The following CNTN5 variants were observed in gnomAD, a reference collection of about 807,000 sequenced individuals.
CNTN5 encodes contactin 5.
CNTN5 carries 77 observed loss-of-function variants against 129.1 expected under a neutral mutation model. That is an observed-to-expected ratio of 0.60 (90% CI 0.50 to 0.72). CNTN5 has a LOEUF of 0.72. CNTN5 is among the 30% of genes least tolerant of loss of function. The pLI, the probability that CNTN5 is intolerant of heterozygous loss-of-function variation, is 0.00. For missense variants in CNTN5, 1,478 were observed against 1,328.8 expected (o/e 1.11, Z -1.75); for synonymous variants, 509 against 465.6 (o/e 1.09, Z -1.20).
intron 3 of CNTN5, among the ~76,000 whole-genome samples, chr11:99,737,551 A>G (rs1943751658): frequency 6.6e-6 from 1 of 152,108 alleles, no homozygotes; most frequent in East Asian, 1.9e-4. Context: ...TCTGTTTTGC[A>G]GTTTATTAGT....
At chr11:99,188,608 A>G (rs146782927) in intron 1 of CNTN5, among the ~76,000 whole-genome samples, 184 of 151,908 alleles carry the variant, frequency 1.2e-3, no homozygotes, top group African/African-American at 4.3e-3. Flanking sequence ...AACACGATTT[A>G]TTTAATATTT....
intron 9 of CNTN5, chr11:100,003,833 G>C (rs1215729281): frequency 6.6e-6 from 1 of 152,112 alleles, no homozygotes; most frequent in Non-Finnish European, 1.5e-5. Flanking sequence ...AAAGAAGACT[G>C]CTTCACTCAA....
chr11:99,871,423 T>C (rs1473497203), intron 6 of CNTN5, among the ~76,000 whole-genome samples: 2 of 152,062 alleles, frequency 1.3e-5, no homozygotes, highest in African/African-American at 4.8e-5. Context: ...ATTGCTGCCT[T>C]AATTGCTATT....
In CNTN5 at chr11:100,336,942, C is replaced by T. The variant is rs11601714; in HGVS notation, c.2731-3521C>T. On this transcript the variant is annotated intron_variant, in intron 21 of 24. Coordinates refer to ENST00000524871, the MANE Select transcript of CNTN5 (RefSeq NM_014361.4). ...GCAGTCCCCGGTAGGCTTTGGATCG[C>T]GGGCACCTTCTTAGGCAGAAAAGAA... The T allele has an allele frequency of 5.8e-4, 391 of 673,886 alleles. 3 individuals are homozygous for T. In the Middle Eastern group the frequency reaches 9.2e-3, roughly 16 times the overall value. The allele number at this position is 673,886 out of a possible 1,614,324, so 41.7% of individuals were successfully genotyped here.
At chr11:99,336,849 A>G (rs1404771808) in intron 2 of CNTN5, among the ~76,000 whole-genome samples, 1 of 152,136 alleles carries the variant, frequency 6.6e-6, no homozygotes, top group Non-Finnish European at 1.5e-5. Context: ...AAAAAAAAGA[A>G]TAAGAGCTAA....
At chr11:99,902,837 C>T (rs1949394947) in intron 6 of CNTN5, among the ~76,000 whole-genome samples, 1 of 152,138 alleles carries the variant, frequency 6.6e-6, no homozygotes, top group Non-Finnish European at 1.5e-5. Flanking sequence ...TTAAAACTTT[C>T]TGAAATAATT....
At chr11:99,343,882 T>TG (rs1412167941) in intron 2 of CNTN5, among the ~76,000 whole-genome samples, 1 of 151,420 alleles carries the variant, frequency 6.6e-6, no homozygotes. Flanking sequence ...GTGTGCTAAG[T>TG]GAAACAAAAA....
intron 13 of CNTN5, among the ~76,000 whole-genome samples, chr11:100,100,877 G>C (rs1945197630): frequency 6.6e-6 from 1 of 152,026 alleles, no homozygotes; most frequent in South Asian, 2.1e-4. Context: ...CTTAAATTTA[G>C]ACATTTTTCT....
intron 21 of CNTN5, among the ~76,000 whole-genome samples, chr11:100,326,517 T>A (rs1480402438): frequency 6.6e-6 from 1 of 152,176 alleles, no homozygotes; most frequent in Non-Finnish European, 1.5e-5. Flanking sequence ...TCTTCCACCA[T>A]GCCCCTAGTT....
At chr11:99,468,924 G>T (rs1945057507) in intron 2 of CNTN5, among the ~76,000 whole-genome samples, 1 of 151,940 alleles carries the variant, frequency 6.6e-6, no homozygotes, top group Non-Finnish European at 1.5e-5. Flanking sequence ...GCATCTATTT[G>T]TGAAACTAGG....
chr11:99,463,804 G>T (rs578173713), intron 2 of CNTN5, among the ~76,000 whole-genome samples: 141 of 152,202 alleles, frequency 9.3e-4, no homozygotes, highest in Non-Finnish European at 1.9e-3. Context: ...AAGTATGTAT[G>T]TGTAAAGACA....
intron 1 of CNTN5, among the ~76,000 whole-genome samples, chr11:99,274,718 T>C (rs904013877): frequency 6.6e-6 from 1 of 151,500 alleles, no homozygotes; most frequent in African/African-American, 2.4e-5. Context: ...TGTGTTCTAA[T>C]TCCAGCTCTG....
chr11:100,277,328 G>T (rs991517369), intron 18 of CNTN5, among the ~76,000 whole-genome samples: 1 of 152,034 alleles, frequency 6.6e-6, no homozygotes, highest in Non-Finnish European at 1.5e-5. Context: ...CCTTTCTTTG[G>T]ATATATACCT....
At chr11:99,153,296 T>G (rs1468289128) in intron 1 of CNTN5, among the ~76,000 whole-genome samples, 3 of 152,192 alleles carry the variant, frequency 2.0e-5, no homozygotes, top group Admixed American at 2.0e-4. Flanking sequence ...TCTTTATACA[T>G]TATCCCATAT....
intron 3 of CNTN5, among the ~76,000 whole-genome samples, chr11:99,707,894 A>G (rs1954820634): frequency 6.6e-6 from 1 of 151,610 alleles, no homozygotes; most frequent in Non-Finnish European, 1.5e-5. Flanking sequence ...CTATTTTATC[A>G]TTATTAATAG....
At chr11:99,980,287 A>C (rs1327997432) in intron 8 of CNTN5, among the ~76,000 whole-genome samples, 1 of 152,240 alleles carries the variant, frequency 6.6e-6, no homozygotes, top group East Asian at 1.9e-4. Flanking sequence ...CATAGATTAT[A>C]TGTGAATGTA....
chr11:100,309,795 G>C (rs756079232), intron 21 of CNTN5: 1 of 644,620 alleles, frequency 1.6e-6, no homozygotes, highest in African/African-American at 2.0e-5. Context: ...GGAGGGACAC[G>C]TGCCTCCTCC....
intron 1 of CNTN5, among the ~76,000 whole-genome samples, chr11:99,204,984 A>G (rs1317810638): frequency 6.6e-6 from 1 of 152,194 alleles, no homozygotes; most frequent in African/African-American, 2.4e-5. Context: ...AAAAGTGCTC[A>G]TCACATGGCA....
intron 1 of CNTN5, among the ~76,000 whole-genome samples, chr11:99,122,546 A>T (rs775223767): frequency 7.5e-6 from 1 of 133,952 alleles, no homozygotes; most frequent in African/African-American, 2.9e-5. Context: ...CAACATTATT[A>T]TTTTTTTAAC....
Sources: gnomAD v4.1 joint callset for allele counts (sites outside exome capture counted in the v4.1 genomes callset) on GRCh38, gnomAD v4.1.1 for gene constraint, MANE v1.5 for transcripts, NCBI Gene and HGNC (gene_info 2026-07-23, HGNC 2026-07-21) for gene names.